The following SPINK5 variants were observed in gnomAD, a reference collection of about 807,000 sequenced individuals.
SPINK5 encodes the protein serine protease inhibitor Kazal-type 5.
SPINK5 carries 125 observed loss-of-function variants against 151.8 expected under a neutral mutation model. The ratio of observed to expected loss-of-function variants is 0.82; its 90% CI spans 0.71 to 0.96. SPINK5 has a LOEUF of 0.96. SPINK5 is among the 40% of genes least tolerant of loss of function. The pLI is 0.00. For synonymous variants in SPINK5, 374 were observed against 395.3 expected (o/e 0.95, Z 0.64); for missense variants, 1,194 against 1,291.9 (o/e 0.92, Z 1.16).
chr5:148,135,888 A>G (rs1486618299), intron 32 of SPINK5, among the ~76,000 whole-genome samples: 1 of 152,178 alleles, frequency 6.6e-6, no homozygotes, highest in Non-Finnish European at 1.5e-5. Context: ...AATACTTTCT[A>G]TTATGCAATA....
intron 7 of SPINK5, chr5:148,090,952 A>G (rs941483910): frequency 5.3e-6 from 3 of 562,892 alleles, no homozygotes; most frequent in African/African-American, 3.8e-5. Context: ...ACAGAAAGCA[A>G]GTTTCCCAGA....
In SPINK5 at chr5:148,137,359, CTT is replaced by C; in HGVS notation, c.*371_*372del. The C allele has an allele frequency of 3.6e-6, 1 of 277,296 alleles. No individual in the cohort carries two copies. The highest frequency in any genetic ancestry group is 5.6e-5 in the South Asian group (1 of 17,954). The allele number at this position is 277,296 out of a possible 1,614,324, so 17.2% of individuals were successfully genotyped here. A position where few individuals can be genotyped will look rare whatever the true frequency, so the allele number is the denominator to read the frequency against. ...TTAAAGAAACTGAATAAACTCTACCCTTTTGTCTTTTTGTGTTGCTAAACCCA... is the reference window on the plus strand; with the variant it reads ...TTAAAGAAACTGAATAAACTCTACCCTTGTCTTTTTGTGTTGCTAAACCCA... On this transcript the variant is annotated 3_prime_UTR_variant, in exon 33 of 33. Transcript: ENST00000256084.
chr5:148,103,724 A>G (rs1753707605), intron 15 of SPINK5, among the ~76,000 whole-genome samples: 1 of 151,924 alleles, frequency 6.6e-6, no homozygotes, highest in Admixed American at 6.6e-5. Flanking sequence ...AAGGTGATTG[A>G]TTTTTTTTGA....
chr5:148,106,462 C>A (rs1422988), intron 16 of SPINK5, among the ~76,000 whole-genome samples: 1 of 152,024 alleles, frequency 6.6e-6, no homozygotes, highest in East Asian at 1.9e-4. Flanking sequence ...GCTGGGACTA[C>A]AGGCACACAC....
chr5:148,105,918 C>T (rs1374154793), intron 16 of SPINK5, among the ~76,000 whole-genome samples: 1 of 151,890 alleles, frequency 6.6e-6, no homozygotes, highest in Non-Finnish European at 1.5e-5. Flanking sequence ...GCCACTGCAC[C>T]CGGCCTGTTT....
At position 148,120,067 on chromosome 5, in the gene SPINK5, A is replaced by C. The variant is rs756155612; in HGVS notation, c.2372A>C (p.Glu791Ala). ...AATGGAAAACTCATCTGCACTCGAG[A>C]AAGTGACCCTGTCCGGGGTCCAGAT... Reference protein sequence around the residue: ...MKNGKLICTRESDPVRGPDGK... With the variant: ...MKNGKLICTRASDPVRGPDGK... The change falls in exon 25 of 33, where the codon GAA (glutamate) becomes GCA (alanine). Residue 791 changes from glutamate to alanine, a missense_variant. Transcript: ENST00000256084. 2.4e-5 allele frequency: 39 copies of C among 1,613,966 alleles called. No individual in the cohort carries two copies. Among genetic ancestry groups the C allele is most frequent in the Non-Finnish European group, 3.0e-5 (35 of 1,179,942 alleles).
chr5:148,116,487 C>T (rs1754095502), intron 22 of SPINK5, 21 bp downstream of exon 22: 1 of 1,612,120 alleles, frequency 6.2e-7, no homozygotes, highest in African/African-American at 1.3e-5. Context: ...CCTCTAATTT[C>T]AGTAACTGGG....
chr5:148,109,748 C>A (rs1753873140), intron 18 of SPINK5, among the ~76,000 whole-genome samples: 1 of 152,024 alleles, frequency 6.6e-6, no homozygotes, highest in South Asian at 2.1e-4. Context: ...CTTACCTTTG[C>A]TCTCTACAAT....
At chr5:148,103,017 C>T (rs1753689778) in intron 15 of SPINK5, among the ~76,000 whole-genome samples, 1 of 152,006 alleles carries the variant, frequency 6.6e-6, no homozygotes, top group South Asian at 2.1e-4. Context: ...ATTTTATTTC[C>T]CATGTGCCAA....
Position 148,107,023 on chromosome 5 carries a change from T to C in SPINK5, c.1480-14T>C. ...AGAAAACTACTCTGAGAAAATATTT[T>C]CTTCATTTCCCAGGAAATCTGCAGT... On this transcript the variant is annotated splice_polypyrimidine_tract_variant and intron_variant, in intron 16 of 32. Coordinates refer to ENST00000256084, the MANE Select transcript of SPINK5 (RefSeq NM_006846.4). 1 of 1,611,120 alleles carries C rather than the reference T, an allele frequency of 6.2e-7. No homozygotes were observed.
chr5:148,074,908 T>A, intron 4 of SPINK5, among the ~76,000 whole-genome samples: 1 of 151,748 alleles, frequency 6.6e-6, no homozygotes, highest in Non-Finnish European at 1.5e-5. Flanking sequence ...ATATTTTGTT[T>A]TTTATTGTGT....
At chr5:148,118,946 A>G in intron 23 of SPINK5, 40 bp from the exon 24 acceptor site, 1 of 1,597,756 alleles carries the variant, frequency 6.3e-7, no homozygotes, top group Non-Finnish European at 8.6e-7. Flanking sequence ...CAGGGTCAAT[A>G]TTTGTTAACA....
intron 10 of SPINK5, among the ~76,000 whole-genome samples, chr5:148,097,122 T>C (rs1237069884): frequency 6.6e-6 from 1 of 151,674 alleles, no homozygotes; most frequent in Non-Finnish European, 1.5e-5. Context: ...TCTCTTTCTC[T>C]CTTTTTTAAT....
intron 9 of SPINK5, among the ~76,000 whole-genome samples, chr5:148,094,835 T>C (rs777866477): frequency 7.9e-5 from 12 of 151,966 alleles, no homozygotes; most frequent in Admixed American, 6.6e-5. Flanking sequence ...TCAGTAATTA[T>C]CCCATGGTAA....
At position 148,107,049 on chromosome 5, in the gene SPINK5, G is replaced by A. The variant is rs751741124; in HGVS notation, c.1492G>A (p.Glu498Lys). 6.2e-7 allele frequency: 1 copy of A among 1,612,726 alleles called. No homozygotes were observed. Among genetic ancestry groups the A allele is most frequent in the Admixed American group, 1.7e-5 (1 of 59,982 alleles). ...KREAAKEICS[E>K]FRDQVRNGTL... ...CTTCATTTCCCAGGAAATCTGCAGT[G>A]AATTTCGGGACCAAGTGAGGAATGG... Residue 498 changes from glutamate (E) to lysine (K), a missense_variant, in exon 17 of 33, where the codon GAA becomes AAA. Coordinates refer to ENST00000256084, the MANE Select transcript of SPINK5 (RefSeq NM_006846.4).
intron 3 of SPINK5, 45 bp downstream of exon 3, chr5:148,070,495 G>T (rs1264934878): frequency 5.0e-6 from 8 of 1,608,376 alleles, no homozygotes; most frequent in Non-Finnish European, 6.8e-6. Flanking sequence ...TGAGTTAACA[G>T]CTAGTCTCTG....
At chr5:148,129,023 AG>A (rs1754506147) in intron 30 of SPINK5, among the ~76,000 whole-genome samples, 1 of 152,172 alleles carries the variant, frequency 6.6e-6, no homozygotes, top group South Asian at 2.1e-4. Flanking sequence ...TACAATTTTA[AG>A]TGACATATAC....
rs1320994331 is a variant in SPINK5 at position 148,111,825 on chromosome 5, G to A, written c.1750G>A (p.Glu584Lys). The change falls in exon 19 of 33, where the codon GAG becomes AAG. Residue 584 changes from glutamate to lysine, a missense_variant. By Grantham distance (56) the Glu-to-Lys change is moderately conservative (BLOSUM62 1). Coordinates refer to ENST00000256084, the MANE Select transcript of SPINK5 (RefSeq NM_006846.4). ...GAATGGACGACTCCCCTGTACCAGA[G>A]AGAATGATCCTATTGAGGGTCTAGA... ...VRNGRLPCTRENDPIEGLDGK... is the reference protein window; with the variant it reads ...VRNGRLPCTRKNDPIEGLDGK... The A allele has an allele frequency of 5.6e-6, 9 of 1,614,068 alleles. No homozygotes were observed. Among genetic ancestry groups the A allele is most frequent in the African/African-American group, 2.7e-5 (2 of 75,030 alleles).
In SPINK5 at chr5:148,111,863, C is replaced by G. The variant is rs144664803; in HGVS notation, c.1788C>G (p.His596Gln). The change falls in exon 19 of 33, where the codon CAC (histidine) becomes CAG (glutamine). Residue 596 changes from histidine to glutamine, a missense_variant. Transcript: ENST00000256084. ...DPIEGLDGKI[H>Q]GNTCSMCEAF... ...TTGAGGGTCTAGATGGGAAAATCCA[C>G]GGCAACACCTGCTCCATGTGTGAAG... 1.4e-5 allele frequency: 22 copies of G among 1,614,018 alleles called. No homozygotes were observed. Among genetic ancestry groups the G allele is most frequent in the Non-Finnish European group, 1.7e-5 (20 of 1,179,910 alleles).
Sources: gnomAD v4.1 joint callset for allele counts (sites outside exome capture counted in the v4.1 genomes callset) on GRCh38, gnomAD v4.1.1 for gene constraint, MANE v1.5 for transcripts, NCBI Gene and HGNC (gene_info 2026-07-23, HGNC 2026-07-21) for gene names.